BAG3: variants seen among roughly 807,000 people sequenced by gnomAD.
BAG3 encodes BAG family molecular chaperone regulator 3.
A neutral mutation model predicts 40.5 loss-of-function variants in BAG3; 14 were observed. That is an observed-to-expected ratio of 0.35 (90% CI 0.23 to 0.54). The LOEUF is 0.54. Ranked by LOEUF, BAG3 falls within the 20% of genes least tolerant of loss-of-function variation. BAG3 has a pLI of 0.91. For missense variants in BAG3, 788 were observed against 758.6 expected, an observed-to-expected ratio of 1.04 and a Z score of -0.46; for synonymous variants, 302 against 307.8, an observed-to-expected ratio of 0.98 and a Z score of 0.20.
intron 1 of BAG3, among the ~76,000 whole-genome samples, chr10:119,669,587 C>T (rs1359804514): frequency 6.6e-6 from 1 of 152,212 alleles, no homozygotes; most frequent in Non-Finnish European, 1.5e-5. Context: ...ACCTGTCTTA[C>T]CAGTTTGGAG....
chr10:119,660,689 T>C (rs1846980742), intron 1 of BAG3, among the ~76,000 whole-genome samples: 1 of 151,844 alleles, frequency 6.6e-6, no homozygotes, highest in South Asian at 2.1e-4. Flanking sequence ...CTAAAATAAA[T>C]AAATAAATAA....
At chr10:119,656,740 T>C (rs564840343) in intron 1 of BAG3, 3 of 152,040 alleles carry the variant, frequency 2.0e-5, no homozygotes, top group South Asian at 2.1e-4. Context: ...TAGGAAGAAT[T>C]TGGGGGGAGA....
At chr10:119,652,308 G>T (rs1846853719) in intron 1 of BAG3, among the ~76,000 whole-genome samples, 1 of 152,220 alleles carries the variant, frequency 6.6e-6, no homozygotes, top group African/African-American at 2.4e-5. Flanking sequence ...ACTCGAGGGG[G>T]ACACTCGCAA....
At position 119,674,200 on chromosome 10, in the gene BAG3, C is replaced by T. The variant is rs146308350; in HGVS notation, c.909+1544C>T. Reference sequence around the variant, plus strand: ...AGTGTTTCTAAAGTCACTTCTTACACAGCCATTGCTGTTAGAACCTAGGAG... The same window carrying T: ...AGTGTTTCTAAAGTCACTTCTTACATAGCCATTGCTGTTAGAACCTAGGAG... On this transcript the variant is annotated intron_variant, in intron 3 of 3. Transcript: ENST00000369085. 4.7e-3 allele frequency among the ~76,000 whole-genome samples: 716 copies of T among 152,322 alleles called. 14 individuals are homozygous for T. The highest frequency in any genetic ancestry group is 3.0e-3 in the Non-Finnish European group (205 of 68,034).
chr10:119,659,605 CAG>C (rs1242023277), intron 1 of BAG3, among the ~76,000 whole-genome samples: 1 of 152,238 alleles, frequency 6.6e-6, no homozygotes, highest in East Asian at 1.9e-4. Context: ...CACCGTCCAT[CAG>C]AGAGGGTCCC....
chr10:119,657,542 C>A (rs1392349852), intron 1 of BAG3: 1 of 471,172 alleles, frequency 2.1e-6, no homozygotes, highest in Admixed American at 2.3e-5. Flanking sequence ...AAGGCAGATA[C>A]AGAAGAGCTG....
At chr10:119,668,506 T>C (rs149351711) in intron 1 of BAG3, among the ~76,000 whole-genome samples, 241 of 152,324 alleles carry the variant, frequency 1.6e-3, no homozygotes, top group African/African-American at 5.4e-3. Flanking sequence ...AAATGACACT[T>C]ATCAGTAGCT....
chr10:119,665,139 TATA>T (rs1564771816), intron 1 of BAG3, among the ~76,000 whole-genome samples: 12 of 70,922 alleles, frequency 1.7e-4, no homozygotes, highest in South Asian at 4.4e-4. Flanking sequence ...TATATATATA[TATA>T]TATTTTTTTT....
intron 1 of BAG3, among the ~76,000 whole-genome samples, chr10:119,653,622 C>G (rs1846872464): frequency 6.6e-6 from 1 of 152,190 alleles, no homozygotes; most frequent in African/African-American, 2.4e-5. Context: ...ATACAAAGAA[C>G]TACTAAATCA....
chr10:119,651,508 C>T lies in BAG3; in HGVS notation c.-168C>T, dbSNP rs987502832. ...GGAGGCTATTTCCAGACACTTCCAC[C>T]CCTCTCTGGCCACGTCACCCCCGCC... On this transcript the variant is annotated 5_prime_UTR_variant, in exon 1 of 4. Transcript: ENST00000369085. 9 of 531,680 alleles carry T rather than the reference C, an allele frequency of 1.7e-5. No individual in the cohort carries two copies. The East Asian group carries it at 1.9e-4, about 11-fold the overall frequency. 32.9% of individuals were successfully genotyped at this position (531,680 alleles called of 1,614,324 possible).
intron 2 of BAG3, among the ~76,000 whole-genome samples, chr10:119,671,293 GC>G (rs1470028402): frequency 1.3e-5 from 2 of 152,146 alleles, no homozygotes; most frequent in African/African-American, 2.4e-5. Flanking sequence ...AGGTGATAGA[GC>G]GAGACTGTCT....
At chr10:119,657,397 C>T in intron 1 of BAG3, 1 of 374,146 alleles carries the variant, frequency 2.7e-6, no homozygotes, top group African/African-American at 2.1e-5. Context: ...TGGGGTCACA[C>T]CCCTGTTAGG....
In BAG3 at chr10:119,672,311, G is replaced by A; in HGVS notation, c.564G>A (p.Leu188=). 6.2e-7 allele frequency: 1 copy of A among 1,614,048 alleles called. No homozygotes were observed. ...DCSSSSSSAS[L]PSSGRSSLGS... ...CATCCTCATCCTCCTCGGCCAGCCT[G>A]CCTTCCTCCGGCAGGAGCAGCCTGG... Residue 188 remains leucine, a synonymous_variant, in exon 3 of 4, where the codon CTG becomes CTA. Coordinates refer to ENST00000369085, the MANE Select transcript of BAG3 (RefSeq NM_004281.4). This position sits in a 1 kb window ranked among gnomAD's most constrained non-coding sequence, Gnocchi z 4.8.
intron 1 of BAG3, 70 bp from the exon 2 acceptor site, chr10:119,669,781 T>A: frequency 7.5e-6 from 11 of 1,462,874 alleles, no homozygotes; most frequent in Non-Finnish European, 9.6e-6. Context: ...AGCGCCACAG[T>A]GTTTCCTCTG....
intron 1 of BAG3, among the ~76,000 whole-genome samples, chr10:119,663,380 A>C (rs1405843947): frequency 6.6e-6 from 1 of 151,622 alleles, no homozygotes; most frequent in African/African-American, 2.4e-5. Context: ...GCTCACTGCA[A>C]CCTCTCACCC....
intron 1 of BAG3, among the ~76,000 whole-genome samples, chr10:119,661,260 C>CA (rs1023991310): frequency 6.6e-6 from 1 of 151,080 alleles, no homozygotes; most frequent in Non-Finnish European, 1.5e-5. Flanking sequence ...ACTCAGTCTC[C>CA]AAAAAAAAGA....
At chr10:119,665,136 A>ATTTTTTT (rs1430985995) in intron 1 of BAG3, among the ~76,000 whole-genome samples, 3 of 73,168 alleles carry the variant, frequency 4.1e-5, no homozygotes, top group Non-Finnish European at 5.7e-5. Flanking sequence ...GTATATATAT[A>ATTTTTTT]TATATATATT....
intron 1 of BAG3, among the ~76,000 whole-genome samples, chr10:119,662,946 C>T (rs564953015): frequency 1.6e-4 from 24 of 152,226 alleles, no homozygotes; most frequent in African/African-American, 4.8e-4. Flanking sequence ...ACGCGGGAGG[C>T]GGAGGTTGCA....
intron 3 of BAG3, among the ~76,000 whole-genome samples, chr10:119,674,789 T>C (rs1420978795): frequency 6.6e-6 from 1 of 151,048 alleles, no homozygotes; most frequent in Non-Finnish European, 1.5e-5. Flanking sequence ...GCCAACATGG[T>C]GAAACCCCAT....
Sources: gnomAD v4.1 joint callset for allele counts (sites outside exome capture counted in the v4.1 genomes callset) on GRCh38, gnomAD v4.1.1 for gene constraint, Gnocchi (gnomAD v3.1) non-coding constraint, MANE v1.5 for transcripts, NCBI Gene and HGNC (gene_info 2026-07-23, HGNC 2026-07-21) for gene names.